The following ACVR1C variants were observed in gnomAD, a reference collection of about 807,000 sequenced individuals.
ACVR1C encodes activin A receptor type 1C.
A neutral mutation model predicts 57.9 loss-of-function variants in ACVR1C; 23 were observed. The observed-to-expected ratio is 0.40, with a 90% CI of 0.29 to 0.56. The LOEUF (loss-of-function observed/expected upper bound fraction) is 0.56. Ranked by LOEUF, ACVR1C falls within the 20% of genes least tolerant of loss-of-function variation. The pLI is 0.50. For synonymous variants in ACVR1C, 214 were observed against 215.3 expected, an observed-to-expected ratio of 0.99 and a Z score of 0.05; for missense variants, 480 against 607.9, an observed-to-expected ratio of 0.79 and a Z score of 2.21.
At chr2:157,622,213 G>T (rs1682794441) in intron 1 of ACVR1C, among the ~76,000 whole-genome samples, 1 of 151,732 alleles carries the variant, frequency 6.6e-6, no homozygotes, top group Non-Finnish European at 1.5e-5. Flanking sequence ...AAACCAAGAA[G>T]ATACTATAAG....
chr2:157,550,428 C>T, intron 3 of ACVR1C, 36 bp from the exon 4 acceptor site: 1 of 1,573,850 alleles, frequency 6.4e-7, no homozygotes, highest in Non-Finnish European at 8.7e-7. Context: ...TAATTAAACA[C>T]AAATGTCAGA....
chr2:157,531,736 T>A lies in ACVR1C; in HGVS notation c.*2182A>T, dbSNP rs1687353626. On this transcript the variant is annotated 3_prime_UTR_variant, in exon 9 of 9. Coordinates refer to ENST00000243349, the MANE Select transcript of ACVR1C (RefSeq NM_145259.3). Reference sequence around the variant, plus strand: ...AAAAATCACTTCACATAGGCACTTTTAAAAACTGATGATATATTTAGATTG... The same window carrying A: ...AAAAATCACTTCACATAGGCACTTTAAAAAACTGATGATATATTTAGATTG... 1 of 152,132 alleles carries A rather than the reference T, an allele frequency of 6.6e-6. No homozygotes were observed. The highest frequency in any genetic ancestry group is 6.6e-5 in the Admixed American group (1 of 15,260). 9.4% of individuals were successfully genotyped at this position (152,132 alleles called of 1,614,324 possible). A position where few individuals can be genotyped will look rare whatever the true frequency, so the allele number is the denominator to read the frequency against.
Position 157,550,396 on chromosome 2 carries a change from A to G in ACVR1C, c.545-4T>C. On this transcript the variant is annotated splice_polypyrimidine_tract_variant and splice_region_variant and intron_variant, in intron 3 of 8. Transcript: ENST00000243349. The stretch of plus-strand genomic sequence containing the variant: ...CTTTGAACCAACAGAGGTAGACCTA[A>G]CCAAAGAAAAGATGGAATTGATAAT... 6.2e-7 allele frequency: 1 copy of G among 1,609,786 alleles called. No homozygotes were observed. The highest frequency in any genetic ancestry group is 1.1e-5 in the South Asian group (1 of 90,820).
At chr2:157,554,201 G>GAGAAAGAAAGAAAGAGAGAAAGAAAGAA (rs1687998050) in intron 3 of ACVR1C, among the ~76,000 whole-genome samples, 1 of 41,444 alleles carries the variant, frequency 2.4e-5, no homozygotes, top group Non-Finnish European at 3.9e-5. Context: ...ATAAAGAAGA[G>GAGAAAGAAAGAAAGAGAGAAAGAAAGAA]AGAAAGAAAG....
intron 1 of ACVR1C, among the ~76,000 whole-genome samples, chr2:157,621,147 G>A (rs1682762387): frequency 6.6e-6 from 1 of 152,118 alleles, no homozygotes; most frequent in Admixed American, 6.5e-5. Flanking sequence ...AATCACCCAT[G>A]AATTCTTGAG....
intron 2 of ACVR1C, among the ~76,000 whole-genome samples, chr2:157,570,682 G>A (rs1688495585): frequency 1.7e-5 from 1 of 57,622 alleles, no homozygotes; most frequent in Non-Finnish European, 3.6e-5. Context: ...TCTTCAAGGA[G>A]AACTACAAAC....
At chr2:157,594,330 C>G (rs997783565) in intron 1 of ACVR1C, among the ~76,000 whole-genome samples, 1 of 152,026 alleles carries the variant, frequency 6.6e-6, no homozygotes, top group Admixed American at 6.6e-5. Context: ...AAAGACCCCT[C>G]CAGGTCTATA....
Position 157,555,153 on chromosome 2 carries a change from C to G in ACVR1C, c.544+940G>C, listed in dbSNP as rs1346401013. On this transcript the variant is annotated intron_variant, in intron 3 of 8. Coordinates refer to ENST00000243349, the MANE Select transcript of ACVR1C (RefSeq NM_145259.3). ...TTGAGACGGAGTCTCGCTCTGTCAC[C>G]CAGGCCGGACTGCGGACTGCAGTGG... Among the ~76,000 whole-genome samples the G allele has an allele frequency of 2.3e-5, 3 of 127,888 alleles. No individual in the cohort carries two copies. In the East Asian group the frequency reaches 6.3e-4, roughly 27 times the overall value. The allele number at this position is 127,888 out of a possible 152,430, so 83.9% of individuals were successfully genotyped here.
In ACVR1C at chr2:157,590,229, A is replaced by G. The variant is rs1689030224; in HGVS notation, c.74-2812T>C. The stretch of plus-strand genomic sequence containing the variant: ...AAATCACAACTGCCCTCCCATAACT[A>G]TCTAAATGTTCAACTTTTTACCATA... On this transcript the variant is annotated intron_variant, in intron 1 of 8. Transcript: ENST00000243349. 2.6e-5 allele frequency among the ~76,000 whole-genome samples: 4 copies of G among 152,096 alleles called. No individual in the cohort carries two copies. The South Asian group carries it at 8.3e-4, about 31-fold the overall frequency.
chr2:157,540,038 G>T (rs1305197665), intron 7 of ACVR1C, among the ~76,000 whole-genome samples: 1 of 152,154 alleles, frequency 6.6e-6, no homozygotes, highest in East Asian at 1.9e-4. Context: ...ATAATGGCAG[G>T]TCTTTAATCG....
intron 2 of ACVR1C, among the ~76,000 whole-genome samples, chr2:157,576,067 C>G (rs1238622799): frequency 6.6e-6 from 1 of 151,948 alleles, no homozygotes; most frequent in Admixed American, 6.6e-5. Flanking sequence ...TAGAAGATAA[C>G]AAATAATTAT....
chr2:157,601,342 T>C (rs577097520), intron 1 of ACVR1C, among the ~76,000 whole-genome samples: 4 of 151,962 alleles, frequency 2.6e-5, no homozygotes, highest in African/African-American at 9.6e-5. Flanking sequence ...ATAAAAAAAA[T>C]AAAAAAGAAG....
intron 2 of ACVR1C, among the ~76,000 whole-genome samples, chr2:157,584,691 A>G (rs530123894): frequency 1.3e-5 from 2 of 152,316 alleles, no homozygotes; most frequent in African/African-American, 2.4e-5. Flanking sequence ...GAGACTATGA[A>G]GTTAAGCATA....
chr2:157,598,138 A>G (rs955214191), intron 1 of ACVR1C, among the ~76,000 whole-genome samples: 4 of 152,106 alleles, frequency 2.6e-5, no homozygotes, highest in Non-Finnish European at 5.9e-5. Context: ...AAAATTTCAA[A>G]AATAATTTGG....
intron 1 of ACVR1C, among the ~76,000 whole-genome samples, chr2:157,590,251 C>A (rs987464211): frequency 6.6e-6 from 1 of 151,824 alleles, no homozygotes; most frequent in African/African-American, 2.4e-5. Flanking sequence ...AACTTTTTAC[C>A]ATATAATCTT....
At chr2:157,555,326 A>G (rs375345759) in intron 3 of ACVR1C, among the ~76,000 whole-genome samples, 2 of 151,338 alleles carry the variant, frequency 1.3e-5, no homozygotes, top group African/African-American at 4.9e-5. Context: ...TCACCTTGTT[A>G]GCCAGGATGG....
At chr2:157,557,005 C>A (rs1209627130) in intron 2 of ACVR1C, among the ~76,000 whole-genome samples, 1 of 152,114 alleles carries the variant, frequency 6.6e-6, no homozygotes, top group Non-Finnish European at 1.5e-5. Context: ...TTCTTTCATG[C>A]CAAAATAATT....
intron 2 of ACVR1C, among the ~76,000 whole-genome samples, chr2:157,575,611 A>T (rs1334718463): frequency 6.6e-6 from 1 of 152,164 alleles, no homozygotes; most frequent in Non-Finnish European, 1.5e-5. Flanking sequence ...TCCTCCAAAC[A>T]CTGCCATTTA....
intron 2 of ACVR1C, among the ~76,000 whole-genome samples, chr2:157,557,553 T>A (rs1204767116): frequency 6.6e-6 from 1 of 152,134 alleles, no homozygotes; most frequent in Non-Finnish European, 1.5e-5. Context: ...GGACATAAGC[T>A]TCGGGAGAGG....
Sources: gnomAD v4.1 joint callset for allele counts (sites outside exome capture counted in the v4.1 genomes callset) on GRCh38, gnomAD v4.1.1 for gene constraint, MANE v1.5 for transcripts, NCBI Gene and HGNC (gene_info 2026-07-23, HGNC 2026-07-21) for gene names.